The following ASCC3 variants were observed in gnomAD, a reference collection of about 807,000 sequenced individuals.
ASCC3 encodes the protein activating signal cointegrator 1 complex subunit 3.
Under a neutral mutation model 256.3 loss-of-function variants are expected in ASCC3, and 158 were observed. That is an observed-to-expected ratio of 0.62 (90% confidence interval 0.54 to 0.70). The LOEUF is 0.70. Among genes scored for constraint, ASCC3 ranks in the 30% least tolerant of loss-of-function variants. ASCC3 has a pLI of 0.00. For missense variants in ASCC3, 2,259 were observed against 2,626.0 expected (o/e 0.86, Z 3.05); for synonymous variants, 948 against 883.4 (o/e 1.07, Z -1.30).
At chr6:100,644,239 G>C in intron 22 of ASCC3, 110 bp from the exon 23 acceptor site, 1 of 764,212 alleles carries the variant, frequency 1.3e-6, no homozygotes, top group South Asian at 1.5e-5. Context: ...ATATTACAAA[G>C]TTTACTCATT....
chr6:100,535,941 G>A (rs1005439269), intron 37 of ASCC3, among the ~76,000 whole-genome samples: 1 of 152,130 alleles, frequency 6.6e-6, no homozygotes, highest in African/African-American at 2.4e-5. Context: ...TATTTTATAT[G>A]AGGGAATATA....
chr6:100,841,386 A>G (rs1049645205), intron 4 of ASCC3, among the ~76,000 whole-genome samples: 2 of 152,152 alleles, frequency 1.3e-5, no homozygotes, highest in African/African-American at 2.4e-5. Flanking sequence ...AAAGTCCCCA[A>G]TTTGAAAAAA....
chr6:100,741,541 T>C (rs971292056), intron 10 of ASCC3, among the ~76,000 whole-genome samples: 2 of 152,200 alleles, frequency 1.3e-5, no homozygotes, highest in Non-Finnish European at 2.9e-5. Flanking sequence ...GATCAGTTTC[T>C]ACCTAATCAA....
At chr6:100,840,481 C>T (rs929442684) in intron 4 of ASCC3, among the ~76,000 whole-genome samples, 2 of 144,386 alleles carry the variant, frequency 1.4e-5, no homozygotes, top group East Asian at 2.1e-4. Flanking sequence ...GCACATGCCA[C>T]GCCAGGCTTT....
intron 5 of ASCC3, among the ~76,000 whole-genome samples, chr6:100,803,789 G>C (rs1008608821): frequency 5.9e-5 from 9 of 152,062 alleles, no homozygotes; most frequent in African/African-American, 2.2e-4. Context: ...TTAAATTATA[G>C]CTGTTTTTAT....
intron 36 of ASCC3, among the ~76,000 whole-genome samples, chr6:100,545,834 G>GCATC (rs1161080904): frequency 1.3e-5 from 2 of 152,290 alleles, no homozygotes; most frequent in African/African-American, 4.8e-5. Context: ...TTCTGCCTTA[G>GCATC]CATCCCAAAG....
At chr6:100,735,833 T>C (rs1431469368) in intron 10 of ASCC3, among the ~76,000 whole-genome samples, 1 of 152,176 alleles carries the variant, frequency 6.6e-6, no homozygotes, top group East Asian at 1.9e-4. Flanking sequence ...AAACTACGTA[T>C]AAAAATGTTT....
intron 10 of ASCC3, among the ~76,000 whole-genome samples, chr6:100,726,545 T>C (rs1390909452): frequency 6.6e-6 from 1 of 152,038 alleles, no homozygotes; most frequent in Non-Finnish European, 1.5e-5. Context: ...GAGCATCATG[T>C]CAGCACTCAG....
At chr6:100,758,986 T>C (rs1781312378) in intron 10 of ASCC3, among the ~76,000 whole-genome samples, 1 of 152,230 alleles carries the variant, frequency 6.6e-6, no homozygotes, top group Non-Finnish European at 1.5e-5. Context: ...ATTTCTCTAA[T>C]GATCAGTGAT....
At chr6:100,809,886 T>G (rs1004610230) in intron 4 of ASCC3, among the ~76,000 whole-genome samples, 1 of 152,080 alleles carries the variant, frequency 6.6e-6, no homozygotes, top group Non-Finnish European at 1.5e-5. Flanking sequence ...CCAGACAACT[T>G]CCTTGAGAGT....
intron 10 of ASCC3, among the ~76,000 whole-genome samples, chr6:100,751,229 A>G (rs1344405738): frequency 1.3e-5 from 2 of 152,084 alleles, no homozygotes; most frequent in South Asian, 4.1e-4. Context: ...ACAAACTAAA[A>G]TGTTATGTTA....
At chr6:100,697,338 G>T (rs1162464485) in intron 13 of ASCC3, among the ~76,000 whole-genome samples, 4 of 151,840 alleles carry the variant, frequency 2.6e-5, no homozygotes, top group Non-Finnish European at 5.9e-5. Flanking sequence ...TTAAAAAGGG[G>T]AATCAAAGAA....
At chr6:100,697,765 ATAT>A (rs1180789263) in intron 13 of ASCC3, among the ~76,000 whole-genome samples, 2 of 152,056 alleles carry the variant, frequency 1.3e-5, no homozygotes, top group Non-Finnish European at 2.9e-5. Context: ...GTAAAAAGAA[ATAT>A]TATTTGCCAT....
chr6:100,769,423 CCT>C (rs2115137272), intron 8 of ASCC3, among the ~76,000 whole-genome samples: 1 of 151,718 alleles, frequency 6.6e-6, no homozygotes, highest in African/African-American at 2.4e-5. Context: ...TGCTAATTAC[CCT>C]GATTTGATCA....
intron 4 of ASCC3, among the ~76,000 whole-genome samples, chr6:100,811,187 C>T (rs1582898040): frequency 6.6e-6 from 1 of 152,168 alleles, no homozygotes; most frequent in Admixed American, 6.6e-5. Flanking sequence ...AGTTTTTCCA[C>T]AATCTTGCAC....
chr6:100,516,315 C>T lies in ASCC3; in HGVS notation c.5940G>A (p.Pro1980=), dbSNP rs240781. 6.1e-4 allele frequency: 991 copies of T among 1,613,644 alleles called. 6 individuals carry two copies. In the African/African-American group the frequency reaches 0.012, roughly 19 times the overall value. The part of the protein sequence containing the change: ...HHLHLFKKWK[P]IMKGPHARGR... Reference sequence around the variant, plus strand: ...CCCTAGCATGTGGGCCCTTCATAATCGGCTTCCATTTCCTAGGAAATAATA... The same window carrying T: ...CCCTAGCATGTGGGCCCTTCATAATTGGCTTCCATTTCCTAGGAAATAATA... The change falls in exon 39 of 42, where the codon CCG becomes CCA. Residue 1980 remains proline (P), a synonymous_variant. Coordinates refer to ENST00000369162, the MANE Select transcript of ASCC3 (RefSeq NM_006828.4).
chr6:100,624,785 T>C (rs1394951271), intron 30 of ASCC3, among the ~76,000 whole-genome samples: 2 of 151,988 alleles, frequency 1.3e-5, no homozygotes. Context: ...AAAATTTTAC[T>C]GGTGGTTATT....
chr6:100,638,836 C>G lies in ASCC3; in HGVS notation c.3902-15G>C. ...ATCCAGTAATTCTGAAAAGACCCAACAGGATGGCTATACGACAATTGAAAA... is the reference window on the plus strand; with the variant it reads ...ATCCAGTAATTCTGAAAAGACCCAAGAGGATGGCTATACGACAATTGAAAA... On this transcript the variant is annotated splice_polypyrimidine_tract_variant and intron_variant, in intron 24 of 41. Coordinates refer to ENST00000369162, the MANE Select transcript of ASCC3 (RefSeq NM_006828.4). 6.2e-7 allele frequency: 1 copy of G among 1,604,646 alleles called. No individual in the cohort carries two copies. Among genetic ancestry groups the G allele is most frequent in the South Asian group, 1.1e-5 (1 of 90,904 alleles).
intron 37 of ASCC3, among the ~76,000 whole-genome samples, chr6:100,539,939 G>A (rs1396306953): frequency 1.3e-5 from 2 of 152,108 alleles, no homozygotes; most frequent in Non-Finnish European, 2.9e-5. Context: ...CTGGCACGTA[G>A]TTTGCCTTCA....
Sources: allele counts gnomAD v4.1 joint callset (sites outside exome capture counted in the v4.1 genomes callset), GRCh38; gene constraint gnomAD v4.1.1; transcripts MANE v1.5; gene names NCBI Gene and HGNC (gene_info 2026-07-23, HGNC 2026-07-21).